CELF2: variants seen among roughly 807,000 people sequenced by gnomAD.
CELF2 encodes the protein CUG triplet repeat RNA-binding protein 2.
In CELF2, 8 loss-of-function variants were observed where a neutral mutation model predicts 62.6. That is an observed-to-expected ratio of 0.13 (90% CI 0.07 to 0.23). The LOEUF is 0.23. CELF2 is among the 10% of genes least tolerant of loss of function. The pLI is 1.00. For missense variants in CELF2, 333 were observed against 671.0 expected, an observed-to-expected ratio of 0.50 and a Z score of 5.56; for synonymous variants, 258 against 250.0, an observed-to-expected ratio of 1.03 and a Z score of -0.30.
chr10:10,582,816 G>A, the CELF2 span, among the ~76,000 whole-genome samples: 289 of 152,254 alleles, frequency 1.9e-3, 1 homozygote, highest in Non-Finnish European at 3.3e-3. Context: ...TATTCTGCCA[G>A]TCTTTGCTTT....
intron 8 of CELF2, among the ~76,000 whole-genome samples, chr10:11,284,620 G>A (rs985320584): frequency 2.0e-5 from 3 of 151,094 alleles, no homozygotes; most frequent in Non-Finnish European, 4.4e-5. Context: ...ATGGATGGGT[G>A]GGAGGATCCA....
chr10:11,306,231 G>A lies in CELF2; in HGVS notation c.977-7908G>A, dbSNP rs2094198049. 6.6e-6 allele frequency among the ~76,000 whole-genome samples: 1 copy of A among 151,894 alleles called. No individual in the cohort carries two copies. The highest frequency in any genetic ancestry group is 1.5e-5 in the Non-Finnish European group (1 of 68,012). ...GCCTCTGCTTGAAGAGGTGTTCTGGGAGATTATGAACCAACATTTATAGAC... is the reference window on the plus strand; with the variant it reads ...GCCTCTGCTTGAAGAGGTGTTCTGGAAGATTATGAACCAACATTTATAGAC... On this transcript the variant is annotated intron_variant, in intron 9 of 12. Transcript: ENST00000633077. The surrounding 1 kb of genome is among the most constrained non-coding windows in gnomAD (Gnocchi z 4.4).
intron 1 of CELF2, among the ~76,000 whole-genome samples, chr10:11,125,073 C>T (rs1474605753): frequency 1.3e-5 from 2 of 152,188 alleles, no homozygotes; most frequent in African/African-American, 2.4e-5. Context: ...AACCACTTAG[C>T]TGGACCATTA....
intron 1 of CELF2, among the ~76,000 whole-genome samples, chr10:10,879,410 T>C (rs2061313747): frequency 6.6e-6 from 1 of 152,206 alleles, no homozygotes; most frequent in Admixed American, 6.5e-5. Context: ...CTCCGGCCTA[T>C]GTATTTAAAA....
chr10:11,190,775 T>TAAAAAAAA (rs11301213), intron 2 of CELF2, among the ~76,000 whole-genome samples: 21 of 53,982 alleles, frequency 3.9e-4, no homozygotes, highest in African/African-American at 1.0e-3. Flanking sequence ...CTCTTTTCTT[T>TAAAAAAAA]AAAAAAAAAA....
the CELF2 span, among the ~76,000 whole-genome samples, chr10:10,500,509 T>C: frequency 3.3e-5 from 5 of 152,298 alleles, no homozygotes; most frequent in African/African-American, 1.2e-4. Flanking sequence ...ATAAAGGTTT[T>C]ATAAAGCACA....
chr10:11,005,517 G>C lies in CELF2; in HGVS notation c.53+77G>C, dbSNP rs898183133. 8.1e-6 allele frequency: 13 copies of C among 1,607,644 alleles called. No homozygotes were observed. The African/African-American group carries it at 1.6e-4, about 20-fold the overall frequency. On this transcript the variant is annotated intron_variant, in intron 1 of 12. Transcript: ENST00000416382. The surrounding 1 kb of genome is among the most constrained non-coding windows in gnomAD (Gnocchi z 4.3). ...CTGGCTGAGACAATAATTATGCTCT[G>C]AATCAAGTAGCTTCCTTACCTTAGA...
the CELF2 span, among the ~76,000 whole-genome samples, chr10:10,661,624 G>A: frequency 1.3e-5 from 2 of 152,182 alleles, no homozygotes; most frequent in African/African-American, 2.4e-5. Context: ...CTTTTCAAAT[G>A]TTAAATAGAT....
rs1589702177 is a variant in CELF2 at position 11,242,971 on chromosome 10, C to T, written c.355-6182C>T. ...GTGCTGGGTCAGAACCAAACCACTG[C>T]GTGCTGTCGTGGGTGCAGAAGCTTA... On this transcript the variant is annotated intron_variant, in intron 3 of 12. Coordinates refer to ENST00000633077, the MANE Select transcript of CELF2 (RefSeq NM_001326342.2). The surrounding 1 kb of genome is among the most constrained non-coding windows in gnomAD (Gnocchi z 4.8). 2.6e-5 allele frequency among the ~76,000 whole-genome samples: 4 copies of T among 152,114 alleles called. No homozygotes were observed. The highest frequency in any genetic ancestry group is 2.1e-4 in the South Asian group (1 of 4,832).
intron 9 of CELF2, among the ~76,000 whole-genome samples, chr10:11,295,746 A>T (rs1265231901): frequency 6.6e-6 from 1 of 152,196 alleles, no homozygotes; most frequent in Non-Finnish European, 1.5e-5. Flanking sequence ...ACTGTTGGGG[A>T]GAACAGTAGT....
rs934710558 is a variant in CELF2, at chr10:11,038,209, G to A, written c.74+20046G>A. The stretch of plus-strand genomic sequence containing the variant: ...CCAGCAAAGAGGAGCTGAGGTCAGC[G>A]TTCAGGGGGTGAACATAGTAGCTTC... On this transcript the variant is annotated intron_variant, in intron 1 of 12. Transcript: ENST00000633077. Among the ~76,000 whole-genome samples, 4 of 152,324 alleles carry A rather than the reference G, an allele frequency of 2.6e-5. No homozygotes were observed. In the South Asian group the frequency reaches 6.2e-4, roughly 24 times the overall value.
At chr10:11,126,462 A>C (rs2058716744) in intron 1 of CELF2, among the ~76,000 whole-genome samples, 1 of 151,706 alleles carries the variant, frequency 6.6e-6, no homozygotes, top group Non-Finnish European at 1.5e-5. Context: ...TTCGTCATAC[A>C]TACAAGTATA....
At position 11,268,105 on chromosome 10, in the gene CELF2, C is replaced by T. The variant is rs185483567; in HGVS notation, c.618+1428C>T. Among the ~76,000 whole-genome samples, 40 of 152,160 alleles carry T rather than the reference C, an allele frequency of 2.6e-4. No homozygotes were observed. The highest frequency in any genetic ancestry group is 3.9e-4 in the Admixed American group (6 of 15,290). On this transcript the variant is annotated intron_variant, in intron 6 of 12. Transcript: ENST00000633077. This position sits in a 1 kb window ranked among gnomAD's most constrained non-coding sequence, Gnocchi z 4.7. ...TGACACGCAGTTACACGTGTGATGG[C>T]GTTTTGCTTCCCTCTTTCTCTTACT...
At chr10:10,803,212 T>A (rs2131555674) in intron 1 of CELF2, among the ~76,000 whole-genome samples, 1 of 152,320 alleles carries the variant, frequency 6.6e-6, no homozygotes, top group Non-Finnish European at 1.5e-5. Flanking sequence ...ATGAAAGCAT[T>A]ACAAACGCCA....
intron 2 of CELF2, among the ~76,000 whole-genome samples, chr10:11,196,373 G>A (rs1244108516): frequency 6.6e-6 from 1 of 152,230 alleles, no homozygotes; most frequent in Non-Finnish European, 1.5e-5. Flanking sequence ...TTAACAGGAT[G>A]TTTTGAGGCC....
At position 11,116,885 on chromosome 10, in the gene CELF2, G is replaced by A. The variant is rs149121896; in HGVS notation, c.75-48601G>A. ...AACACTTACACAACACCTAAACTATGGTAGATACTATTTTGAACGGCTTAC... is the reference window on the plus strand; with the variant it reads ...AACACTTACACAACACCTAAACTATAGTAGATACTATTTTGAACGGCTTAC... On this transcript the variant is annotated intron_variant, in intron 1 of 12. Transcript: ENST00000633077. Among the ~76,000 whole-genome samples the A allele has an allele frequency of 1.9e-3, 283 of 152,240 alleles. 1 individual carries two copies. The highest frequency in any genetic ancestry group is 6.4e-3 in the African/African-American group (266 of 41,550).
At chr10:11,153,627 T>A (rs115866544) in intron 1 of CELF2, among the ~76,000 whole-genome samples, 1 of 152,382 alleles carries the variant, frequency 6.6e-6, no homozygotes, top group African/African-American at 2.4e-5. Context: ...TTCTGCTGTT[T>A]CTAATGGAGA....
In CELF2 at chr10:11,247,207, C is replaced by A. The variant is rs1054279945; in HGVS notation, c.355-1946C>A. ...CTTTGTTACTTCTTCTGTACCTGAC[C>A]ACATACTTTCAGACAAAATTTCAGT... On this transcript the variant is annotated intron_variant, in intron 3 of 12. Transcript: ENST00000633077. The surrounding 1 kb of genome is among the most constrained non-coding windows in gnomAD (Gnocchi z 5.4). 3.3e-5 allele frequency among the ~76,000 whole-genome samples: 5 copies of A among 152,214 alleles called. No individual in the cohort carries two copies. The highest frequency in any genetic ancestry group is 7.3e-5 in the Non-Finnish European group (5 of 68,040).
At chr10:10,892,262 C>A (rs1218741195) in intron 1 of CELF2, among the ~76,000 whole-genome samples, 1 of 152,096 alleles carries the variant, frequency 6.6e-6, no homozygotes, top group Non-Finnish European at 1.5e-5. Context: ...CAGGTTTAGG[C>A]AGGAAGCTTC....
Sources: gnomAD v4.1 joint callset for allele counts (sites outside exome capture counted in the v4.1 genomes callset) on GRCh38, gnomAD v4.1.1 for gene constraint, Gnocchi (gnomAD v3.1) non-coding constraint, MANE v1.5 for transcripts, NCBI Gene and HGNC (gene_info 2026-07-23, HGNC 2026-07-21) for gene names.